CCDC149: variants seen among roughly 807,000 people sequenced by gnomAD.
CCDC149 encodes the protein coiled-coil domain-containing protein 149.
Under a neutral mutation model 59.9 loss-of-function variants are expected in CCDC149, and 45 were observed. The observed-to-expected ratio is 0.75, with a 90% CI of 0.59 to 0.96. The LOEUF (loss-of-function observed/expected upper bound fraction) is 0.96, where lower values mean the gene tolerates loss of function less well. Among genes scored for constraint, CCDC149 ranks in the 40% least tolerant of loss-of-function variants. The pLI is 0.00. For synonymous variants in CCDC149, 245 were observed against 260.6 expected, an observed-to-expected ratio of 0.94 and a Z score of 0.58; for missense variants, 584 against 664.7, an observed-to-expected ratio of 0.88 and a Z score of 1.33.
chr4:24,901,640 C>T (rs1336286001), intron 1 of CCDC149, among the ~76,000 whole-genome samples: 1 of 152,152 alleles, frequency 6.6e-6, no homozygotes, highest in Non-Finnish European at 1.5e-5. Flanking sequence ...GATAGCTGCT[C>T]ATCGAAAATG....
At chr4:24,884,051 T>C (rs149622807) in intron 1 of CCDC149, among the ~76,000 whole-genome samples, 1 of 152,316 alleles carries the variant, frequency 6.6e-6, no homozygotes, top group Admixed American at 6.5e-5. Flanking sequence ...GCTCAGAGAA[T>C]ACATTGTAAC....
At chr4:24,970,006 G>T (rs1255736047) in intron 1 of CCDC149, among the ~76,000 whole-genome samples, 4 of 152,226 alleles carry the variant, frequency 2.6e-5, no homozygotes, top group Non-Finnish European at 4.4e-5. Context: ...AGCTCCCCAT[G>T]ACTTTGGCAC....
At chr4:24,947,820 G>T (rs1051499520) in intron 1 of CCDC149, among the ~76,000 whole-genome samples, 4 of 142,768 alleles carry the variant, frequency 2.8e-5, no homozygotes, top group African/African-American at 1.1e-4. Context: ...AAAAAAGAAG[G>T]AGGATTTTTT....
chr4:24,917,183 G>A (rs1028526001), upstream of CCDC149, among the ~76,000 whole-genome samples: 1 of 152,202 alleles, frequency 6.6e-6, no homozygotes, highest in Non-Finnish European at 1.5e-5. Context: ...AATCCTCTGT[G>A]TCTCTTAGAC....
intron 1 of CCDC149, among the ~76,000 whole-genome samples, chr4:24,927,863 GA>G (rs1047479893): frequency 1.3e-5 from 2 of 151,556 alleles, no homozygotes; most frequent in Admixed American, 6.6e-5. Flanking sequence ...TGCTTGGCTT[GA>G]AAAAAAACTC....
chr4:24,962,294 T>G (rs893440435), intron 1 of CCDC149, among the ~76,000 whole-genome samples: 1 of 151,992 alleles, frequency 6.6e-6, no homozygotes, highest in African/African-American at 2.4e-5. Flanking sequence ...TGGCGATCAT[T>G]AAAACGTCAG....
At chr4:24,825,365 G>A (rs1334914175) in intron 9 of CCDC149, among the ~76,000 whole-genome samples, 1 of 152,168 alleles carries the variant, frequency 6.6e-6, no homozygotes, top group Non-Finnish European at 1.5e-5. Flanking sequence ...AACAACTGAT[G>A]CGTCAGCTCT....
downstream of CCDC149, among the ~76,000 whole-genome samples, chr4:24,804,053 A>G (rs1296592294): frequency 6.6e-6 from 1 of 152,198 alleles, no homozygotes; most frequent in Non-Finnish European, 1.5e-5. Flanking sequence ...GGACTACATT[A>G]AAGGAGTGTG....
chr4:24,830,367 A>T (rs1484705591), intron 9 of CCDC149: 1 of 152,112 alleles, frequency 6.6e-6, no homozygotes, highest in Non-Finnish European at 1.5e-5. Flanking sequence ...CTTGGTTAAG[A>T]TTTCACTTTT....
chr4:24,857,926 C>T (rs1718125102), intron 3 of CCDC149, among the ~76,000 whole-genome samples: 1 of 152,166 alleles, frequency 6.6e-6, no homozygotes, highest in South Asian at 2.1e-4. Context: ...CTTTTCTATT[C>T]AGTCCCTCCA....
intron 1 of CCDC149, among the ~76,000 whole-genome samples, chr4:24,950,871 A>G (rs1327236245): frequency 6.6e-6 from 1 of 152,212 alleles, no homozygotes; most frequent in Non-Finnish European, 1.5e-5. Flanking sequence ...GACCTGGCCA[A>G]CGTGGCCACA....
At chr4:24,925,793 C>G (rs1262194165) in intron 1 of CCDC149, among the ~76,000 whole-genome samples, 1 of 152,224 alleles carries the variant, frequency 6.6e-6, no homozygotes, top group Non-Finnish European at 1.5e-5. Flanking sequence ...CAGTCCCATT[C>G]TGAATTCATA....
At chr4:24,822,168 A>G (rs1378450231) in intron 10 of CCDC149, among the ~76,000 whole-genome samples, 1 of 152,228 alleles carries the variant, frequency 6.6e-6, no homozygotes, top group South Asian at 2.1e-4. Context: ...TCTACAGATT[A>G]AAAGAAAAGA....
At chr4:24,818,036 G>C (rs912547375) in intron 12 of CCDC149, among the ~76,000 whole-genome samples, 1 of 152,064 alleles carries the variant, frequency 6.6e-6, no homozygotes, top group African/African-American at 2.4e-5. Flanking sequence ...GGATGAAGAT[G>C]GGAATAAAGC....
At chr4:24,879,884 GA>G (rs1197275262) in intron 1 of CCDC149, among the ~76,000 whole-genome samples, 1 of 152,100 alleles carries the variant, frequency 6.6e-6, no homozygotes, top group African/African-American at 2.4e-5. Flanking sequence ...TCAAGCTCTG[GA>G]AGCCTCAAGC....
chr4:24,820,573 C>G (rs1715329138), intron 11 of CCDC149, among the ~76,000 whole-genome samples: 1 of 152,120 alleles, frequency 6.6e-6, no homozygotes, highest in Non-Finnish European at 1.5e-5. Context: ...TCTTATTTCA[C>G]CATTCAGTAG....
At chr4:24,907,131 A>C (rs1721583109) in intron 1 of CCDC149, among the ~76,000 whole-genome samples, 1 of 152,210 alleles carries the variant, frequency 6.6e-6, no homozygotes, top group Non-Finnish European at 1.5e-5. Flanking sequence ...GTTTTCACAC[A>C]CCAGAGTTTC....
chr4:24,968,981 C>T (rs931866280), intron 1 of CCDC149, among the ~76,000 whole-genome samples: 1 of 152,194 alleles, frequency 6.6e-6, no homozygotes, highest in African/African-American at 2.4e-5. Flanking sequence ...GAGGTAGATG[C>T]CCTGGTGAAG....
chr4:24,920,030 C>T (rs991539877), intron 1 of CCDC149, among the ~76,000 whole-genome samples: 13 of 152,306 alleles, frequency 8.5e-5, no homozygotes, highest in Admixed American at 1.3e-4. Flanking sequence ...TGGCTACAGC[C>T]TGGAACTTTC....
Sources: gnomAD v4.1 joint callset for allele counts (sites outside exome capture counted in the v4.1 genomes callset) on GRCh38, gnomAD v4.1.1 for gene constraint, MANE v1.5 for transcripts, NCBI Gene and HGNC (gene_info 2026-07-23, HGNC 2026-07-21) for gene names.